ATF2: variants seen among roughly 807,000 people sequenced by gnomAD.
ATF2 encodes the protein activating transcription factor 2.
In ATF2, 24 loss-of-function variants were observed where a neutral mutation model predicts 60.6. The ratio of observed to expected loss-of-function variants is 0.40; its 90% CI spans 0.29 to 0.56. The LOEUF is 0.56. Among genes scored for constraint, ATF2 ranks in the 20% least tolerant of loss-of-function variants. The pLI, the probability that ATF2 is intolerant of heterozygous loss-of-function variation, is 0.54. For synonymous variants in ATF2, 206 were observed against 215.4 expected (o/e 0.96, Z 0.38); for missense variants, 433 against 607.7 (o/e 0.71, Z 3.02).
chr2:175,147,850 T>G (rs1355042817), intron 2 of ATF2: 2 of 152,128 alleles, frequency 1.3e-5, no homozygotes, highest in Admixed American at 6.5e-5. Context: ...ATTCCCCTCT[T>G]AAAGAGCTTG....
intron 12 of ATF2, among the ~76,000 whole-genome samples, chr2:175,085,043 C>T (rs1419850561): frequency 6.6e-6 from 1 of 152,178 alleles, no homozygotes; most frequent in East Asian, 1.9e-4. Context: ...AATACAGCTA[C>T]ACTGTTAATT....
At chr2:175,085,963 T>C (rs1694142538) in intron 12 of ATF2, among the ~76,000 whole-genome samples, 5 of 152,224 alleles carry the variant, frequency 3.3e-5, no homozygotes, top group South Asian at 2.1e-4. Context: ...TTCTTATATA[T>C]AAATTTGCAT....
intron 7 of ATF2, 72 bp downstream of exon 7, chr2:175,117,918 T>G: frequency 1.4e-5 from 20 of 1,435,956 alleles, no homozygotes; most frequent in Non-Finnish European, 1.9e-5. Context: ...TAACATTTTA[T>G]GGAGATTAAA....
chr2:175,137,098 G>A (rs1047551763), intron 2 of ATF2, among the ~76,000 whole-genome samples: 6 of 152,080 alleles, frequency 3.9e-5, no homozygotes, highest in African/African-American at 1.4e-4. Flanking sequence ...ATAAGCTAAT[G>A]GTGCATAGAG....
intron 12 of ATF2, among the ~76,000 whole-genome samples, chr2:175,091,689 C>T (rs1264624204): frequency 6.6e-6 from 1 of 151,860 alleles, no homozygotes; most frequent in Non-Finnish European, 1.5e-5. Context: ...ATGGTGAAAC[C>T]CCATCTCTAC....
At chr2:175,077,351 A>T (rs548344068) in intron 13 of ATF2, among the ~76,000 whole-genome samples, 1 of 152,252 alleles carries the variant, frequency 6.6e-6, no homozygotes, top group African/African-American at 2.4e-5. Flanking sequence ...TTTCTAGTTC[A>T]AGATCTCTGA....
intron 12 of ATF2, among the ~76,000 whole-genome samples, chr2:175,083,959 A>G (rs1153687): frequency 0.26 from 39,437 of 151,850 alleles, 6,070 homozygotes; most frequent in African/African-American, 0.44. Context: ...TCTCACACCA[A>G]TTAGAATGGC....
At chr2:175,092,766 A>C (rs753057583) in intron 12 of ATF2, 7 of 412,670 alleles carry the variant, frequency 1.7e-5, no homozygotes, top group African/African-American at 4.1e-5. Context: ...TTTAAATTTT[A>C]AAATTCTCTG....
chr2:175,140,999 GAAAAAAAAAAAAAAA>G (rs869208203), intron 2 of ATF2, among the ~76,000 whole-genome samples: 64 of 26,774 alleles, frequency 2.4e-3, no homozygotes, highest in African/African-American at 8.4e-3. Flanking sequence ...CCTATCTCAG[GAAAAAAAAAAAAAAA>G]AAAAAAAAAA....
At chr2:175,151,752 C>CA (rs1293123962) in intron 1 of ATF2, among the ~76,000 whole-genome samples, 3 of 152,212 alleles carry the variant, frequency 2.0e-5, no homozygotes, top group Non-Finnish European at 2.9e-5. Flanking sequence ...ATTTCTTTCA[C>CA]AAAAAAACAT....
At chr2:175,125,229 A>T (rs562802282) in intron 4 of ATF2, among the ~76,000 whole-genome samples, 1 of 152,082 alleles carries the variant, frequency 6.6e-6, no homozygotes, top group Admixed American at 6.6e-5. Flanking sequence ...AGCAGTCACC[A>T]TCAAAATGAT....
intron 10 of ATF2, among the ~76,000 whole-genome samples, chr2:175,099,121 T>TC (rs1559064413): frequency 6.6e-6 from 1 of 150,698 alleles, no homozygotes; most frequent in Admixed American, 6.6e-5. Context: ...TTTTTTTTTT[T>TC]CAAGAGGGAG....
intron 2 of ATF2, among the ~76,000 whole-genome samples, chr2:175,142,716 A>AGTGTGTGTGT (rs1451684943): frequency 9.1e-5 from 11 of 120,828 alleles, no homozygotes; most frequent in South Asian, 3.1e-4. Context: ...AGAGAGAGAG[A>AGTGTGTGTGT]GAGAGTGTGT....
At chr2:175,110,826 G>A (rs1198757229) in intron 10 of ATF2, among the ~76,000 whole-genome samples, 5 of 152,072 alleles carry the variant, frequency 3.3e-5, no homozygotes, top group South Asian at 4.1e-4. Context: ...GGTTGCTCTC[G>A]AACTCCTGAC....
In ATF2 at chr2:175,097,542, T is replaced by C. The variant is rs1695015508; in HGVS notation, c.880A>G (p.Thr294Ala). Residue 294 changes from threonine to alanine, a missense_variant, in exon 11 of 14, where the codon ACT becomes GCT. Thr to Ala is a moderately conservative substitution (Grantham distance 58, BLOSUM62 0). Transcript: ENST00000264110. Reference sequence around the variant, plus strand: ...AATCCGCTACCATGACCTTTGACAGTATCACCATTGGTAACTGGAGGATGT... The same window carrying C: ...AATCCGCTACCATGACCTTTGACAGCATCACCATTGGTAACTGGAGGATGT... ...QQHPPVTNGD[T>A]VKGHGSGLVR... 6.2e-7 allele frequency: 1 copy of C among 1,614,136 alleles called. No homozygotes were observed. Among genetic ancestry groups the C allele is most frequent in the Non-Finnish European group, 8.5e-7 (1 of 1,180,000 alleles).
At chr2:175,142,720 A>AGAGAGAGAGAGAGTGTGTGT (rs1491359659) in intron 2 of ATF2, among the ~76,000 whole-genome samples, 2 of 71,098 alleles carry the variant, frequency 2.8e-5, no homozygotes, top group African/African-American at 9.4e-5. Flanking sequence ...AGAGAGAGAG[A>AGAGAGAGAGAGAGTGTGTGT]GTGTGTGTGT....
intron 10 of ATF2, among the ~76,000 whole-genome samples, chr2:175,101,998 C>T: frequency 6.6e-6 from 1 of 152,092 alleles, no homozygotes; most frequent in South Asian, 2.1e-4. Flanking sequence ...ATAAATTTTA[C>T]AATTAATGTA....
chr2:175,148,764 T>C (rs965520225), intron 2 of ATF2, among the ~76,000 whole-genome samples: 1 of 152,184 alleles, frequency 6.6e-6, no homozygotes, highest in East Asian at 1.9e-4. Context: ...TCCTTTCTAT[T>C]GATTCCAGGT....
chr2:175,125,912 C>T (rs1029315952), intron 4 of ATF2, among the ~76,000 whole-genome samples: 2 of 152,124 alleles, frequency 1.3e-5, no homozygotes, highest in Non-Finnish European at 2.9e-5. Flanking sequence ...GCCAAATATG[C>T]TGTGATATTC....
Sources: gnomAD v4.1 joint callset for allele counts (sites outside exome capture counted in the v4.1 genomes callset) on GRCh38, gnomAD v4.1.1 for gene constraint, MANE v1.5 for transcripts, NCBI Gene and HGNC (gene_info 2026-07-23, HGNC 2026-07-21) for gene names.